NEUROG2: variants seen among roughly 807,000 people sequenced by gnomAD.
NEUROG2 encodes neurogenin-2.
In NEUROG2, 1 loss-of-function variant was observed where a neutral mutation model predicts 2.8. That is an observed-to-expected ratio of 0.36 (90% confidence interval 0.13 to 1.71). The LOEUF (loss-of-function observed/expected upper bound fraction) is 1.71. Among genes scored for constraint, NEUROG2 ranks in the 40% most tolerant of loss-of-function variants. The probability of loss-of-function intolerance (pLI) is 0.34; values close to 1 mark genes in which losing one functional copy is unlikely to be tolerated. For missense variants in NEUROG2, 397 were observed against 392.7 expected (o/e 1.01, Z -0.09); for synonymous variants, 211 against 187.7 (o/e 1.12, Z -1.01).
chr4:112,515,364 C>CAAA lies in NEUROG2; in HGVS notation c.111_112insTTT (p.Ala37_Asp38insPhe). 1 of 1,495,992 alleles carries CAAA rather than the reference C, an allele frequency of 6.7e-7. No individual in the cohort carries two copies. Among genetic ancestry groups the CAAA allele is most frequent in the South Asian group, 1.3e-5 (1 of 74,422 alleles). The allele number at this position is 1,495,992 out of a possible 1,614,324, so 92.7% of individuals were successfully genotyped here. A position where few individuals can be genotyped will look rare whatever the true frequency, so the allele number is the denominator to read the frequency against. On this transcript the variant is annotated inframe_insertion, in exon 2 of 2. Coordinates refer to ENST00000313341, the MANE Select transcript of NEUROG2 (RefSeq NM_024019.4). ...CCCGGCTCCTCCTCCTCTTCTTCGT[C>CAAA]GGCGCTGGATGACAGCGGGGTCAGG...
chr4:112,514,778 G>A lies in NEUROG2; in HGVS notation c.698C>T (p.Pro233Leu), dbSNP rs142667627. The A allele has an allele frequency of 1.3e-6, 2 of 1,549,454 alleles. No individual in the cohort carries two copies. The change falls in exon 2 of 2, where the codon CCC becomes CTC. Residue 233 changes from proline (P) to leucine (L), a missense_variant. Coordinates refer to ENST00000313341, the MANE Select transcript of NEUROG2 (RefSeq NM_024019.4). ...GGCGGGCGATAAAGTGCAGCTGTAG[G>A]GGGAGGTGGAATTGGAGGACACGGA... Reference protein sequence around the residue: ...SSSVSSNSTSPYSCTLSPASP... With the variant: ...SSSVSSNSTSLYSCTLSPASP...
Position 112,515,221 on chromosome 4 carries a change from A to G in NEUROG2, c.255T>C (p.Asp85=), listed in dbSNP as rs1736405335. The G allele has an allele frequency of 6.2e-7, 1 of 1,605,002 alleles. No homozygotes were observed. The highest frequency in any genetic ancestry group is 1.1e-5 in the South Asian group (1 of 90,998). Reference sequence around the variant, plus strand: ...GCGCCCGGGAAGGGCGCCGTTTGCAATCGTGTACCAGACCCAGCAGCCGTG... The same window carrying G: ...GCGCCCGGGAAGGGCGCCGTTTGCAGTCGTGTACCAGACCCAGCAGCCGTG... ...RPARLLGLVH[D]CKRRPSRARA... is the part of the protein sequence containing the mutation. The change falls in exon 2 of 2, where the codon GAT becomes GAC. Residue 85 remains aspartate (D), a synonymous_variant. Coordinates refer to ENST00000313341, the MANE Select transcript of NEUROG2 (RefSeq NM_024019.4).
intron 1 of NEUROG2, 88 bp from the exon 2 acceptor site, chr4:112,515,564 C>T (rs1736421862): frequency 8.3e-7 from 1 of 1,202,110 alleles, no homozygotes. Context: ...CGTGCTCCGG[C>T]GCGCACCCGA....
In NEUROG2 at chr4:112,514,564, TG is replaced by T; in HGVS notation, c.*92del. The T allele has an allele frequency of 9.9e-7, 1 of 1,009,816 alleles. No homozygotes were observed. 62.6% of individuals were successfully genotyped at this position (1,009,816 alleles called of 1,614,324 possible). A position where few individuals can be genotyped will look rare whatever the true frequency, so the allele number is the denominator to read the frequency against. On this transcript the variant is annotated 3_prime_UTR_variant, in exon 2 of 2. Transcript: ENST00000313341. ...GTGAAGTGAGATGGTTTCCAGGGCG[TG>T]GAAAGGAGGGGCAGGGGAAGGGAGG...
rs975360313 is a variant in NEUROG2, at chr4:112,514,708, G to A, written c.768C>T (p.Pro256=). The A allele has an allele frequency of 2.6e-6, 4 of 1,517,992 alleles. No individual in the cohort carries two copies. Among genetic ancestry groups the A allele is most frequent in the Non-Finnish European group, 3.5e-6 (4 of 1,135,774 alleles). The allele number at this position is 1,517,992 out of a possible 1,614,324, so 94.0% of individuals were successfully genotyped here. Residue 256 remains proline, a synonymous_variant, in exon 2 of 2, where the codon CCC becomes CCT. Transcript: ENST00000313341. Reference sequence around the variant, plus strand: ...GGTGAGGTGCATAGCGGTGCTTGTCGGGAGGTGGGGGCTGCCAATAGTCCA... The same window carrying A: ...GGTGAGGTGCATAGCGGTGCTTGTCAGGAGGTGGGGGCTGCCAATAGTCCA... ...SDMDYWQPPP[P]DKHRYAPHLP...
At chr4:112,515,670 C>G (rs1736426442) in intron 1 of NEUROG2, 177 bp downstream of exon 1, 1 of 417,304 alleles carries the variant, frequency 2.4e-6, no homozygotes, top group South Asian at 5.4e-5. Context: ...CTCGCTGTGA[C>G]CCTGCTGCCA....
chr4:112,515,243 C>T lies in NEUROG2; in HGVS notation c.233G>A (p.Arg78Gln). ...GCAATCGTGTACCAGACCCAGCAGC[C>T]GTGCGGGCCGGCAGCCCTCCGCACC... ...AAGAEGCRPA[R>Q]LLGLVHDCKR... Residue 78 changes from arginine (R) to glutamine (Q), a missense_variant, in exon 2 of 2, where the codon CGG becomes CAG. Coordinates refer to ENST00000313341, the MANE Select transcript of NEUROG2 (RefSeq NM_024019.4). 6.3e-7 allele frequency: 1 copy of T among 1,588,520 alleles called. No individual in the cohort carries two copies. The highest frequency in any genetic ancestry group is 8.5e-7 in the Non-Finnish European group (1 of 1,174,056).
At position 112,513,964 on chromosome 4, in the gene NEUROG2, A is replaced by G. The variant is rs1252917826; in HGVS notation, c.*693T>C. On this transcript the variant is annotated 3_prime_UTR_variant, in exon 2 of 2. Coordinates refer to ENST00000313341, the MANE Select transcript of NEUROG2 (RefSeq NM_024019.4). ...ACAAGTTTTTTTCCCCTTATAAATCATAAGAGACAGATGGCAAAATGGGGA... is the reference window on the plus strand; with the variant it reads ...ACAAGTTTTTTTCCCCTTATAAATCGTAAGAGACAGATGGCAAAATGGGGA... 5 of 152,682 alleles carry G rather than the reference A, an allele frequency of 3.3e-5. No homozygotes were observed. The highest frequency in any genetic ancestry group is 7.3e-5 in the Non-Finnish European group (5 of 68,052). The allele number at this position is 152,682 out of a possible 1,614,324, so 9.5% of individuals were successfully genotyped here. A position where few individuals can be genotyped will look rare whatever the true frequency, so the allele number is the denominator to read the frequency against.
rs1736356526 is a variant in NEUROG2 at position 112,513,529 on chromosome 4, A to G, written c.*1128T>C. The G allele has an allele frequency of 6.6e-6, 1 of 152,622 alleles. No individual in the cohort carries two copies. Among genetic ancestry groups the G allele is most frequent in the African/African-American group, 2.4e-5 (1 of 41,474 alleles). The allele number at this position is 152,622 out of a possible 1,614,324, so 9.5% of individuals were successfully genotyped here. A position where few individuals can be genotyped will look rare whatever the true frequency, so the allele number is the denominator to read the frequency against. The stretch of plus-strand genomic sequence containing the variant: ...CAACACACAAACTTATGAAAATTAG[A>G]TAGTTTATTTATAGTTTAATCACAA... On this transcript the variant is annotated 3_prime_UTR_variant, in exon 2 of 2. Coordinates refer to ENST00000313341, the MANE Select transcript of NEUROG2 (RefSeq NM_024019.4).
At position 112,513,689 on chromosome 4, in the gene NEUROG2, T is replaced by C. The variant is rs899684284; in HGVS notation, c.*968A>G. 3 of 152,688 alleles carry C rather than the reference T, an allele frequency of 2.0e-5. No individual in the cohort carries two copies. Among genetic ancestry groups the C allele is most frequent in the Non-Finnish European group, 4.4e-5 (3 of 68,048 alleles). The allele number at this position is 152,688 out of a possible 1,614,324, so 9.5% of individuals were successfully genotyped here. A position where few individuals can be genotyped will look rare whatever the true frequency, so the allele number is the denominator to read the frequency against. Reference sequence around the variant, plus strand: ...GGAACACGTGTGTGGCTGATCCGGATAATGCTCCGTGTCTGCTTAGGTTTT... The same window carrying C: ...GGAACACGTGTGTGGCTGATCCGGACAATGCTCCGTGTCTGCTTAGGTTTT... On this transcript the variant is annotated 3_prime_UTR_variant, in exon 2 of 2. Coordinates refer to ENST00000313341, the MANE Select transcript of NEUROG2 (RefSeq NM_024019.4).
rs779892620 is a variant in NEUROG2, at chr4:112,515,162, G to A, written c.314C>T (p.Thr105Met). The A allele has an allele frequency of 2.5e-6, 4 of 1,613,182 alleles. No homozygotes were observed. The highest frequency in any genetic ancestry group is 1.7e-6 in the Non-Finnish European group (2 of 1,179,840). Residue 105 changes from threonine (T) to methionine (M), a missense_variant, in exon 2 of 2, where the codon ACG becomes ATG. Transcript: ENST00000313341. ...AVSRGAKTAE[T>M]VQRIKKTRRL... ...ACGGGTCTTCTTGATGCGCTGCACC[G>A]TCTCGGCCGTCTTGGCGCCTCGGGA...
At chr4:112,515,625 G>A (rs1736424533) in intron 1 of NEUROG2, 149 bp from the exon 2 acceptor site, 7 of 583,006 alleles carry the variant, frequency 1.2e-5, no homozygotes, top group Non-Finnish European at 1.9e-5. Flanking sequence ...AAGAAACCCA[G>A]GCAGTGCTAA....
chr4:112,514,734 T>C lies in NEUROG2; in HGVS notation c.742A>G (p.Met248Val). ...GGAGGTGGGGGCTGCCAATAGTCCA[T>C]GTCTGACCCGGCCGGGCTGGCGGGC... ...LSPASPAGSDMDYWQPPPPDK... is the reference protein window; with the variant it reads ...LSPASPAGSDVDYWQPPPPDK... Residue 248 changes from methionine to valine, a missense_variant, in exon 2 of 2, where the codon ATG (methionine) becomes GTG (valine). Coordinates refer to ENST00000313341, the MANE Select transcript of NEUROG2 (RefSeq NM_024019.4). 7 of 1,530,264 alleles carry C rather than the reference T, an allele frequency of 4.6e-6. No individual in the cohort carries two copies. Among genetic ancestry groups the C allele is most frequent in the East Asian group, 2.3e-5 (1 of 44,112 alleles). 94.8% of individuals were successfully genotyped at this position (1,530,264 alleles called of 1,614,324 possible).
rs1430719407 is a variant in NEUROG2 at position 112,515,271 on chromosome 4, C to A, written c.205G>T (p.Ala69Ser). ...GCGGGCCGGCAGCCCTCCGCACCCG[C>A]AGCCACGCCGCCCCGCGCCCCCTGC... ...AGQGARGGVA[A>S]GAEGCRPARL... The change falls in exon 2 of 2, where the codon GCG becomes TCG. Residue 69 changes from alanine to serine, a missense_variant. Coordinates refer to ENST00000313341, the MANE Select transcript of NEUROG2 (RefSeq NM_024019.4). The A allele has an allele frequency of 3.9e-6, 6 of 1,521,110 alleles. No individual in the cohort carries two copies. In the Admixed American group the frequency reaches 1.2e-4, roughly 32 times the overall value. 94.2% of individuals were successfully genotyped at this position (1,521,110 alleles called of 1,614,324 possible). A position where few individuals can be genotyped will look rare whatever the true frequency, so the allele number is the denominator to read the frequency against.
chr4:112,514,814 G>A lies in NEUROG2; in HGVS notation c.662C>T (p.Ala221Val), dbSNP rs1202882247. 4 of 1,575,260 alleles carry A rather than the reference G, an allele frequency of 2.5e-6. No individual in the cohort carries two copies. Among genetic ancestry groups the A allele is most frequent in the South Asian group, 1.2e-5 (1 of 84,596 alleles). ...ASTWSCTNSP[A>V]PSSSVSSNST... ...ATTGGAGGACACGGAGGAGGACGGC[G>A]CGGGGCTGTTGGTGCAACTCCACGT... The change falls in exon 2 of 2, where the codon GCG (alanine) becomes GTG (valine). Residue 221 changes from alanine to valine, a missense_variant. By Grantham distance (64) the Ala-to-Val change is moderately conservative. Transcript: ENST00000313341.
chr4:112,515,207 G>A lies in NEUROG2; in HGVS notation c.269C>T (p.Pro90Leu), dbSNP rs1276543833. 1.2e-6 allele frequency: 2 copies of A among 1,608,668 alleles called. No individual in the cohort carries two copies. The highest frequency in any genetic ancestry group is 1.7e-6 in the Non-Finnish European group (2 of 1,179,622). Residue 90 changes from proline to leucine, a missense_variant, in exon 2 of 2, where the codon CCT becomes CTT. By Grantham distance (98) the Pro-to-Leu change is moderately conservative. Transcript: ENST00000313341. ...TCGGGAGACGGCCCGCGCCCGGGAA[G>A]GGCGCCGTTTGCAATCGTGTACCAG... ...LGLVHDCKRR[P>L]SRARAVSRGA... is the part of the protein sequence containing the mutation.
At position 112,514,886 on chromosome 4, in the gene NEUROG2, G is replaced by GC; in HGVS notation, c.589dup (p.Ala197GlyfsTer121). 6.2e-7 allele frequency: 1 copy of GC among 1,601,230 alleles called. No homozygotes were observed. The highest frequency in any genetic ancestry group is 8.5e-7 in the Non-Finnish European group (1 of 1,175,828). On this transcript the variant is annotated frameshift_variant, in exon 2 of 2. Transcript: ENST00000313341. LOFTEE classifies it low-confidence loss of function (END_TRUNC). ...TCCGCTGCTGCTCAGGGCGGCGCTG[G>GC]CTCCTCCCGGGCTCAGCAACACTGC...
rs772546634 is a variant in NEUROG2, at chr4:112,515,311, G to A, written c.165C>T (p.Arg55=). The change falls in exon 2 of 2, where the codon CGC becomes CGT. Residue 55 remains arginine, a synonymous_variant. Coordinates refer to ENST00000313341, the MANE Select transcript of NEUROG2 (RefSeq NM_024019.4). ...PGASGGARRQ[R]GAEAGQGARG... ...GCGCCCCCTGCCCGGCCTCAGCCCC[G>A]CGCTGCCGACGCGCCCCGCCTGACG... 3 of 1,412,856 alleles carry A rather than the reference G, an allele frequency of 2.1e-6. No homozygotes were observed. The highest frequency in any genetic ancestry group is 5.8e-5 in the East Asian group (2 of 34,298). 87.5% of individuals were successfully genotyped at this position (1,412,856 alleles called of 1,614,324 possible).
At position 112,515,113 on chromosome 4, in the gene NEUROG2, C is replaced by T. The variant is rs373831063; in HGVS notation, c.363G>A (p.Glu121=). 1.9e-6 allele frequency: 3 copies of T among 1,613,864 alleles called. No individual in the cohort carries two copies. Among genetic ancestry groups the T allele is most frequent in the Non-Finnish European group, 2.5e-6 (3 of 1,179,936 alleles). Residue 121 remains glutamate, a synonymous_variant, in exon 2 of 2, where the codon GAG becomes GAA. Transcript: ENST00000313341. The part of the protein sequence containing the change: ...KTRRLKANNR[E]RNRMHNLNAA... ...CGTTGAGGTTGTGCATGCGGTTTCG[C>T]TCGCGGTTGTTGGCCTTCAGTCTAC... is the stretch of plus-strand genomic sequence containing the variant.
Sources: gnomAD v4.1 joint callset for allele counts on GRCh38, gnomAD v4.1.1 for gene constraint, MANE v1.5 for transcripts, NCBI Gene and HGNC (gene_info 2026-07-23, HGNC 2026-07-21) for gene names.